The following NOS1 variants were observed in gnomAD, a reference collection of about 807,000 sequenced individuals.
NOS1 encodes the protein NOS type I.
NOS1 carries 51 observed loss-of-function variants against 164.5 expected under a neutral mutation model. The observed-to-expected ratio is 0.31, with a 90% CI of 0.25 to 0.39. NOS1 has a LOEUF of 0.39. Ranked by LOEUF, NOS1 falls within the 10% of genes least tolerant of loss-of-function variation. The probability of loss-of-function intolerance (pLI) is 1.00; values close to 1 mark genes in which losing one functional copy is unlikely to be tolerated. For synonymous variants in NOS1, 719 were observed against 745.8 expected (o/e 0.96, Z 0.59); for missense variants, 1,362 against 1,885.6 (o/e 0.72, Z 5.14).
intron 2 of NOS1, among the ~76,000 whole-genome samples, chr12:117,326,398 AAAACAAAAAAAC>A (rs1468824242): frequency 0.011 from 147 of 13,056 alleles, 1 homozygote; most frequent in African/African-American, 0.016. Flanking sequence ...AAAAAAAAAA[AAAACAAAAAAAC>A]AAAAACAAAA....
Position 117,211,590 on chromosome 12 carries a change from C to T in NOS1, c.*3719G>A. 1 of 985,618 alleles carries T rather than the reference C, an allele frequency of 1.0e-6. No homozygotes were observed. Among genetic ancestry groups the T allele is most frequent in the Non-Finnish European group, 1.2e-6 (1 of 830,036 alleles). The allele number at this position is 985,618 out of a possible 1,614,324, so 61.1% of individuals were successfully genotyped here. A position where few individuals can be genotyped will look rare whatever the true frequency, so the allele number is the denominator to read the frequency against. On this transcript the variant is annotated 3_prime_UTR_variant, in exon 29 of 29. Transcript: ENST00000317775. ...CTGGTCCCAGCCCACCTTTTCTCAC[C>T]CTCCTCAGCCTTCCAAAGCCAGCCT...
At chr12:117,246,732 A>G (rs1278194213) in intron 18 of NOS1, among the ~76,000 whole-genome samples, 1 of 152,202 alleles carries the variant, frequency 6.6e-6, no homozygotes, top group African/African-American at 2.4e-5. Flanking sequence ...TGCAATACAT[A>G]TTCTTTTGTG....
chr12:117,290,834 C>T (rs1592994327), intron 3 of NOS1, among the ~76,000 whole-genome samples: 1 of 152,050 alleles, frequency 6.6e-6, no homozygotes, highest in Non-Finnish European at 1.5e-5. Context: ...AAAGCTGGGT[C>T]GATTTACTTG....
At chr12:117,328,686 G>T (rs901438296) in intron 2 of NOS1, among the ~76,000 whole-genome samples, 1 of 152,058 alleles carries the variant, frequency 6.6e-6, no homozygotes, top group Non-Finnish European at 1.5e-5. Context: ...TGCCTCAGCC[G>T]CCTGAGTAGC....
intron 3 of NOS1, among the ~76,000 whole-genome samples, chr12:117,299,256 G>A (rs1359805132): frequency 6.6e-6 from 1 of 152,228 alleles, no homozygotes; most frequent in African/African-American, 2.4e-5. Context: ...TTAACCAAGT[G>A]TATTTAGTAC....
At chr12:117,273,344 A>C (rs1409866160) in intron 9 of NOS1, among the ~76,000 whole-genome samples, 1 of 152,126 alleles carries the variant, frequency 6.6e-6, no homozygotes, top group African/African-American at 2.4e-5. Context: ...TATAGGCTAC[A>C]TTTCACCAAG....
At chr12:117,343,240 AGAAG>A (rs1270454463) in intron 1 of NOS1, among the ~76,000 whole-genome samples, 5 of 151,466 alleles carry the variant, frequency 3.3e-5, no homozygotes, top group Admixed American at 6.6e-5. Context: ...TCTGTCAAAA[AGAAG>A]GAAGGAAGGA....
chr12:117,233,027 C>T (rs1350661875), intron 21 of NOS1, among the ~76,000 whole-genome samples: 4 of 144,196 alleles, frequency 2.8e-5, no homozygotes, highest in Non-Finnish European at 4.5e-5. Flanking sequence ...GCCATCATGC[C>T]TCACTACTTT....
At chr12:117,241,363 C>A (rs2135952478) in intron 20 of NOS1, among the ~76,000 whole-genome samples, 1 of 151,086 alleles carries the variant, frequency 6.6e-6, no homozygotes, top group South Asian at 2.1e-4. Context: ...TAGCTCACTG[C>A]AATATGCTTG....
At chr12:117,255,966 CCG>C (rs1381254335) in intron 16 of NOS1, 1 of 1,488,710 alleles carries the variant, frequency 6.7e-7, no homozygotes, top group African/African-American at 1.5e-5. Context: ...TGCAGCCAGA[CCG>C]TGGACTTCTG....
chr12:117,302,450 C>T (rs1379262612), intron 3 of NOS1, among the ~76,000 whole-genome samples: 7 of 151,836 alleles, frequency 4.6e-5, no homozygotes, highest in African/African-American at 1.7e-4. Flanking sequence ...AAAAATTAGC[C>T]GGGTGAGGTG....
chr12:117,224,230 C>T (rs917418842), intron 25 of NOS1, among the ~76,000 whole-genome samples: 5 of 152,128 alleles, frequency 3.3e-5, no homozygotes, highest in Non-Finnish European at 4.4e-5. Context: ...CCCAACGCCT[C>T]CAATAGTGTT....
At chr12:117,290,476 G>C in intron 3 of NOS1, 50 bp from the exon 4 acceptor site, 1 of 1,565,994 alleles carries the variant, frequency 6.4e-7, no homozygotes, top group Non-Finnish European at 8.7e-7. Context: ...TGAGTGGACT[G>C]TAACATTGTC....
chr12:117,320,830 C>A (rs1054975035), intron 2 of NOS1, among the ~76,000 whole-genome samples: 7 of 152,284 alleles, frequency 4.6e-5, no homozygotes, highest in African/African-American at 1.7e-4. Context: ...GCTAGGAACA[C>A]CCTTCCCTAG....
intron 11 of NOS1, among the ~76,000 whole-genome samples, chr12:117,266,577 G>A (rs148179299): frequency 0.014 from 2,050 of 146,016 alleles, 42 homozygotes; most frequent in African/African-American, 0.049. Context: ...TCACTCTGTC[G>A]CCCAGACTGG....
In NOS1 at chr12:117,208,707, C is replaced by T. The variant is rs2135905152; in HGVS notation, c.*6602G>A. ...TGTCTTATTGAAACAGACTGCCATCCTCTGTTCTGGCATGGGAGGGCTTTT... is the reference window on the plus strand; with the variant it reads ...TGTCTTATTGAAACAGACTGCCATCTTCTGTTCTGGCATGGGAGGGCTTTT... On this transcript the variant is annotated 3_prime_UTR_variant, in exon 29 of 29. Coordinates refer to ENST00000317775, the MANE Select transcript of NOS1 (RefSeq NM_000620.5). The T allele has an allele frequency of 9.7e-7, 1 of 1,029,592 alleles. No individual in the cohort carries two copies. The highest frequency in any genetic ancestry group is 3.5e-5 in the South Asian group (1 of 28,902). The allele number at this position is 1,029,592 out of a possible 1,614,324, so 63.8% of individuals were successfully genotyped here. A position where few individuals can be genotyped will look rare whatever the true frequency, so the allele number is the denominator to read the frequency against.
chr12:117,220,996 GC>G (rs948097861), intron 26 of NOS1, among the ~76,000 whole-genome samples: 2 of 151,720 alleles, frequency 1.3e-5, no homozygotes, highest in Non-Finnish European at 2.9e-5. Flanking sequence ...CTCTCTGAGT[GC>G]CCCCCCAACC....
intron 2 of NOS1, among the ~76,000 whole-genome samples, chr12:117,317,655 G>A (rs1874727299): frequency 6.6e-6 from 1 of 151,932 alleles, no homozygotes; most frequent in Non-Finnish European, 1.5e-5. Flanking sequence ...GATCTGCAAG[G>A]ACTTATTTAC....
Position 117,210,967 on chromosome 12 carries a change from T to A in NOS1, c.*4342A>T. ...TTTATTTTATTTTATTTTATTTTAT[T>A]TTTTTTGAGATAAGAGTCTTGCTCT... On this transcript the variant is annotated 3_prime_UTR_variant, in exon 29 of 29. Transcript: ENST00000317775. The A allele has an allele frequency of 1.0e-6, 1 of 956,202 alleles. No homozygotes were observed. Among genetic ancestry groups the A allele is most frequent in the Non-Finnish European group, 1.2e-6 (1 of 803,600 alleles). The allele number at this position is 956,202 out of a possible 1,614,324, so 59.2% of individuals were successfully genotyped here.
Sources: gnomAD v4.1 joint callset for allele counts (sites outside exome capture counted in the v4.1 genomes callset) on GRCh38, gnomAD v4.1.1 for gene constraint, MANE v1.5 for transcripts, NCBI Gene and HGNC (gene_info 2026-07-23, HGNC 2026-07-21) for gene names.